The following MLPH variants were observed in gnomAD, a reference collection of about 807,000 sequenced individuals.
The protein encoded by MLPH is exophilin-3.
Under a neutral mutation model 72.1 loss-of-function variants are expected in MLPH, and 51 were observed. That is an observed-to-expected ratio of 0.71 (90% confidence interval 0.56 to 0.89). The LOEUF (loss-of-function observed/expected upper bound fraction) is 0.89. Ranked by LOEUF, MLPH falls within the 40% of genes least tolerant of loss-of-function variation. MLPH has a pLI of 0.00. For missense variants in MLPH, 743 were observed against 759.9 expected (o/e 0.98, Z 0.26); for synonymous variants, 301 against 310.1 (o/e 0.97, Z 0.31).
At chr2:237,486,771 G>A (rs2079325201), upstream of MLPH, 1 of 152,240 alleles carries the variant, frequency 6.6e-6, no homozygotes, top group Non-Finnish European at 1.5e-5. Flanking sequence ...AGAAAGCCCT[G>A]GGCTTAAAGT....
intron 2 of MLPH, among the ~76,000 whole-genome samples, chr2:237,507,918 C>T (rs1344275291): frequency 6.6e-6 from 1 of 152,116 alleles, no homozygotes; most frequent in African/African-American, 2.4e-5. Flanking sequence ...AGGTGGCGAT[C>T]GGAACAATTG....
chr2:237,553,849 G>A lies in MLPH; in HGVS notation c.*257G>A. The A allele has an allele frequency of 4.5e-6, 3 of 670,094 alleles. No homozygotes were observed. The highest frequency in any genetic ancestry group is 2.8e-6 in the Non-Finnish European group (1 of 361,994). The allele number at this position is 670,094 out of a possible 1,614,324, so 41.5% of individuals were successfully genotyped here. On this transcript the variant is annotated 3_prime_UTR_variant, in exon 16 of 16. Coordinates refer to ENST00000264605, the MANE Select transcript of MLPH (RefSeq NM_024101.7). ...CTGTGAGAAACAGCTAAGCTGCTGT[G>A]ACTTCCCTTTAGGACAATGTTGTGT...
chr2:237,545,838 C>A, intron 12 of MLPH: 1 of 249,094 alleles, frequency 4.0e-6, no homozygotes, highest in Non-Finnish European at 7.4e-6. Flanking sequence ...AAGTATACCC[C>A]ATGCAACATT....
At chr2:237,536,061 C>T (rs532419575) in intron 9 of MLPH, among the ~76,000 whole-genome samples, 3 of 152,294 alleles carry the variant, frequency 2.0e-5, no homozygotes, top group Non-Finnish European at 2.9e-5. Context: ...GATTTCACTC[C>T]GCAGGACGCT....
chr2:237,531,756 C>T (rs1401464146), intron 8 of MLPH, among the ~76,000 whole-genome samples: 1 of 152,044 alleles, frequency 6.6e-6, no homozygotes, highest in Non-Finnish European at 1.5e-5. Context: ...ACAGTGGCCA[C>T]CCAGAAACAC....
At chr2:237,506,688 G>A (rs2079779209) in intron 2 of MLPH, among the ~76,000 whole-genome samples, 1 of 152,186 alleles carries the variant, frequency 6.6e-6, no homozygotes, top group East Asian at 1.9e-4. Context: ...TTAGGTCAGG[G>A]GTCGATCTTT....
intron 1 of MLPH, among the ~76,000 whole-genome samples, chr2:237,489,608 CCCTTT>C (rs1444087250): frequency 1.3e-5 from 2 of 152,166 alleles, no homozygotes; most frequent in Non-Finnish European, 2.9e-5. Flanking sequence ...CTGCCACCTC[CCCTTT>C]ATCAGCAAGA....
intron 9 of MLPH, among the ~76,000 whole-genome samples, chr2:237,539,450 TGTGA>T (rs1399794640): frequency 1.3e-5 from 2 of 152,204 alleles, no homozygotes; most frequent in African/African-American, 2.4e-5. Flanking sequence ...AGTTTTACAG[TGTGA>T]GTGACACTTT....
At chr2:237,507,064 T>TTC (rs1438308406) in intron 2 of MLPH, among the ~76,000 whole-genome samples, 1 of 108,996 alleles carries the variant, frequency 9.2e-6, no homozygotes, top group Non-Finnish European at 2.0e-5. Flanking sequence ...TTTTTTTTCT[T>TTC]TTTTTTTTTT....
At chr2:237,552,280 G>C (rs2081054760) in intron 14 of MLPH, 57 bp from the exon 15 acceptor site, 7 of 1,503,340 alleles carry the variant, frequency 4.7e-6, no homozygotes, top group Non-Finnish European at 6.5e-6. Flanking sequence ...CAAGGCACTT[G>C]TTTGGGCTAA....
At chr2:237,535,517 T>G (rs2080513369) in intron 9 of MLPH, among the ~76,000 whole-genome samples, 1 of 151,930 alleles carries the variant, frequency 6.6e-6, no homozygotes, top group Non-Finnish European at 1.5e-5. Context: ...CTTTTGTGTC[T>G]GAGAGACAGG....
chr2:237,545,604 G>T, intron 12 of MLPH: 1 of 1,287,272 alleles, frequency 7.8e-7, no homozygotes, highest in Non-Finnish European at 1.0e-6. Context: ...GATGTGACTA[G>T]AACGGAGGGC....
chr2:237,531,762 AAC>A (rs2080424719), intron 8 of MLPH, among the ~76,000 whole-genome samples: 6 of 152,208 alleles, frequency 3.9e-5, no homozygotes, highest in Admixed American at 3.9e-4. Flanking sequence ...GCCACCCAGA[AAC>A]ACAGACTTCA....
chr2:237,514,226 A>G (rs1574855201), intron 4 of MLPH, among the ~76,000 whole-genome samples: 2 of 151,974 alleles, frequency 1.3e-5, no homozygotes, highest in East Asian at 3.9e-4. Flanking sequence ...CTTATGACCT[A>G]AAGTCAAACA....
At chr2:237,539,951 A>C (rs1276914169) in intron 9 of MLPH, among the ~76,000 whole-genome samples, 4 of 152,168 alleles carry the variant, frequency 2.6e-5, no homozygotes, top group African/African-American at 7.2e-5. Context: ...GACCCGACCA[A>C]GGCTGTCTGT....
At chr2:237,488,600 G>A (rs893814889) in intron 1 of MLPH, among the ~76,000 whole-genome samples, 2 of 152,198 alleles carry the variant, frequency 1.3e-5, no homozygotes, top group Non-Finnish European at 2.9e-5. Flanking sequence ...CCTCACTCAG[G>A]CTCTAAGAAC....
At chr2:237,537,921 A>T (rs889731373) in intron 9 of MLPH, among the ~76,000 whole-genome samples, 38 of 152,308 alleles carry the variant, frequency 2.5e-4, no homozygotes, top group African/African-American at 8.4e-4. Context: ...CCCTCGCCTC[A>T]CACTTCAAAG....
chr2:237,545,568 C>A (rs760890656), intron 12 of MLPH: 1 of 1,288,058 alleles, frequency 7.8e-7, no homozygotes, highest in South Asian at 1.2e-5. Flanking sequence ...ATGTGGAAAT[C>A]CTTAGTCCGC....
At chr2:237,516,796 G>A (rs943623587) in intron 4 of MLPH, among the ~76,000 whole-genome samples, 1 of 145,032 alleles carries the variant, frequency 6.9e-6, no homozygotes, top group Non-Finnish European at 1.5e-5. Context: ...TGGATGGATG[G>A]ATGGATGGAT....
Sources: allele counts gnomAD v4.1 joint callset (sites outside exome capture counted in the v4.1 genomes callset), GRCh38; gene constraint gnomAD v4.1.1; transcripts MANE v1.5; gene names NCBI Gene and HGNC (gene_info 2026-07-23, HGNC 2026-07-21).